The following ENOSF1 variants were observed in gnomAD, a reference collection of about 807,000 sequenced individuals.
ENOSF1 encodes enolase superfamily member 1.
A neutral mutation model predicts 68.2 loss-of-function variants in ENOSF1; 73 were observed. The observed-to-expected ratio is 1.07, with a 90% CI of 0.89 to 1.30. The LOEUF (loss-of-function observed/expected upper bound fraction) is 1.30, where lower values mean the gene tolerates loss of function less well. Among genes scored for constraint, ENOSF1 ranks in the 50% most tolerant of loss-of-function variants. ENOSF1 has a pLI of 0.00. For synonymous variants in ENOSF1, 223 were observed against 210.4 expected (o/e 1.06, Z -0.52); for missense variants, 589 against 554.5 (o/e 1.06, Z -0.62).
downstream of ENOSF1, among the ~76,000 whole-genome samples, chr18:667,041 TGATGGTGATGGAGATGGA>T (rs1567989867): frequency 2.4e-4 from 5 of 20,786 alleles, no homozygotes; most frequent in African/African-American, 4.0e-4. Context: ...ATGGAGATGG[TGATGGTGATGGAGATGGA>T]GATGGTGATG....
intron 1 of ENOSF1, 83 bp from the exon 2 acceptor site, chr18:706,661 A>G (rs534212914): frequency 9.8e-7 from 1 of 1,022,084 alleles, no homozygotes; most frequent in Admixed American, 1.8e-5. Flanking sequence ...ACATGAGGAC[A>G]GACAATGCCA....
chr18:693,860 T>TA lies in ENOSF1; in HGVS notation c.423+21dup, dbSNP rs766843832. The TA allele has an allele frequency of 1.4e-4, 232 of 1,613,014 alleles. 1 individual carries two copies. The highest frequency in any genetic ancestry group is 3.5e-5 in the Non-Finnish European group (41 of 1,179,720). On this transcript the variant is annotated intron_variant, in intron 5 of 15. Coordinates refer to ENST00000647584, the MANE Select transcript of ENOSF1 (RefSeq NM_017512.7). ...TCCATTTCATTTACAGAAACAATTG[T>TA]AACATTAACAATGCTACTCACCATG...
intron 9 of ENOSF1, 96 bp from the exon 10 acceptor site, chr18:686,104 TCA>T (rs939339808): frequency 3.5e-6 from 3 of 853,242 alleles, no homozygotes; most frequent in Non-Finnish European, 6.1e-6. Flanking sequence ...TGTCAACAAT[TCA>T]CAGATATGTT....
rs1568105000 is a variant in ENOSF1 at position 697,276 on chromosome 18, G to GAAGC, written c.269_272dup (p.Phe91LeufsTer4). On this transcript the variant is annotated frameshift_variant, in exon 3 of 16. Transcript: ENST00000647584. LOFTEE classifies it high-confidence loss of function. ...GCCCATCACTTGTGAGCTGCCTATA[G>GAAGC]AAGCCTCTGAAGTCACCAACAATGT... 1 of 1,613,926 alleles carries GAAGC rather than the reference G, an allele frequency of 6.2e-7. No homozygotes were observed. Among genetic ancestry groups the GAAGC allele is most frequent in the Admixed American group, 1.7e-5 (1 of 59,986 alleles).
chr18:674,982 A>C (rs1317566244), intron 15 of ENOSF1, among the ~76,000 whole-genome samples: 1 of 152,252 alleles, frequency 6.6e-6, no homozygotes, highest in Non-Finnish European at 1.5e-5. Context: ...GAACATGATC[A>C]GAATAAATGG....
intron 11 of ENOSF1, among the ~76,000 whole-genome samples, chr18:678,970 G>A (rs541465957): frequency 2.0e-5 from 3 of 152,262 alleles, no homozygotes; most frequent in South Asian, 4.2e-4. Context: ...TTCCTGACCA[G>A]GGCTCTGCAG....
Position 705,599 on chromosome 18 carries a change from G to A in ENOSF1, c.193+871C>T, listed in dbSNP as rs550506055. ...AATAAAAAAAGAATGACGTATACAT[G>A]GCTCAGTATGCATCTTAAAGAATCT... On this transcript the variant is annotated intron_variant, in intron 2 of 15. Transcript: ENST00000647584. Among the ~76,000 whole-genome samples the A allele has an allele frequency of 1.2e-4, 19 of 152,204 alleles. No homozygotes were observed. In the South Asian group the frequency reaches 3.3e-3, roughly 27 times the overall value.
chr18:677,537 G>T, intron 13 of ENOSF1, 93 bp from the exon 14 acceptor site: 1 of 1,248,388 alleles, frequency 8.0e-7, no homozygotes, highest in Non-Finnish European at 1.1e-6. Flanking sequence ...TTGCCCACAG[G>T]TGATTAAATC....
intron 1 of ENOSF1, chr18:707,770 C>T (rs1183137550): frequency 9.9e-5 from 15 of 152,088 alleles, no homozygotes; most frequent in Middle Eastern, 3.2e-3. Flanking sequence ...AAAGTAGGTG[C>T]TCTTATCCTT....
chr18:668,022 A>C (rs2074891018), downstream of ENOSF1, among the ~76,000 whole-genome samples: 1 of 80,456 alleles, frequency 1.2e-5, no homozygotes, highest in Non-Finnish European at 2.2e-5. Flanking sequence ...AATGCACAGA[A>C]AGTTTCCCTG....
At chr18:683,542 C>T in intron 10 of ENOSF1, 162 bp from the exon 11 acceptor site, 1 of 746,206 alleles carries the variant, frequency 1.3e-6, no homozygotes, top group Non-Finnish European at 2.1e-6. Context: ...ACAAAAAGAG[C>T]CAGAGAGCAG....
Position 673,082 on chromosome 18 carries a change from A to C in ENOSF1, c.*1223T>G, listed in dbSNP as rs2075140970. ...AGGTAAAAGTTCTTTTTGCTCTAAA[A>C]GAAAAAGGAACTAGGTCAAAAATCT... On this transcript the variant is annotated 3_prime_UTR_variant, in exon 16 of 16. Transcript: ENST00000647584. 4 of 1,398,296 alleles carry C rather than the reference A, an allele frequency of 2.9e-6. No individual in the cohort carries two copies. Among genetic ancestry groups the C allele is most frequent in the South Asian group, 3.8e-5 (2 of 52,992 alleles). The allele number at this position is 1,398,296 out of a possible 1,614,324, so 86.6% of individuals were successfully genotyped here. A position where few individuals can be genotyped will look rare whatever the true frequency, so the allele number is the denominator to read the frequency against.
chr18:675,265 G>C (rs1056547381), intron 15 of ENOSF1, 56 bp downstream of exon 15: 5 of 1,344,260 alleles, frequency 3.7e-6, no homozygotes, highest in Non-Finnish European at 5.3e-6. Context: ...TCACGAGACA[G>C]GCGTGGCAGT....
chr18:675,880 G>T (rs2075461105), intron 14 of ENOSF1, among the ~76,000 whole-genome samples: 1 of 152,064 alleles, frequency 6.6e-6, no homozygotes, highest in African/African-American at 2.4e-5. Context: ...CATCTAGGAA[G>T]CATTAGCACT....
intron 12 of ENOSF1, 78 bp downstream of exon 12, chr18:678,618 A>G: frequency 6.9e-7 from 1 of 1,439,626 alleles, no homozygotes; most frequent in South Asian, 1.2e-5. Context: ...AGCCTAACAC[A>G]CAACTGTGTC....
rs909689439 is a variant in ENOSF1 at position 674,127 on chromosome 18, C to T, written c.*178G>A. 5.3e-6 allele frequency: 3 copies of T among 563,080 alleles called. No individual in the cohort carries two copies. Among genetic ancestry groups the T allele is most frequent in the Non-Finnish European group, 9.4e-6 (3 of 318,556 alleles). The allele number at this position is 563,080 out of a possible 1,614,324, so 34.9% of individuals were successfully genotyped here. A position where few individuals can be genotyped will look rare whatever the true frequency, so the allele number is the denominator to read the frequency against. ...TTTAAGGATTAAGTAGGATAACGTG[C>T]ATTGATTTGCTAAAAGAATCAAGTA... On this transcript the variant is annotated 3_prime_UTR_variant, in exon 16 of 16. Transcript: ENST00000647584.
At chr18:692,925 GTTCT>G (rs964321433) in intron 5 of ENOSF1, 33 of 1,177,630 alleles carry the variant, frequency 2.8e-5, no homozygotes, top group African/African-American at 1.5e-4. Context: ...AGGCCATGGT[GTTCT>G]TTGTTTTTCC....
intron 11 of ENOSF1, among the ~76,000 whole-genome samples, chr18:680,254 C>A (rs2075943900): frequency 6.6e-6 from 1 of 152,218 alleles, no homozygotes; most frequent in South Asian, 2.1e-4. Context: ...TCCTCATCTG[C>A]AGAAGGCCTT....
At chr18:708,990 GGAC>G (rs942466113) in intron 1 of ENOSF1, among the ~76,000 whole-genome samples, 2 of 152,178 alleles carry the variant, frequency 1.3e-5, no homozygotes, top group African/African-American at 4.8e-5. Flanking sequence ...AGGGTCAACA[GGAC>G]GAGATGAGCC....
Sources: allele counts gnomAD v4.1 joint callset (sites outside exome capture counted in the v4.1 genomes callset), GRCh38; gene constraint gnomAD v4.1.1; transcripts MANE v1.5; gene names NCBI Gene and HGNC (gene_info 2026-07-23, HGNC 2026-07-21).